Variants in ZNF846 observed in about 807,000 individuals in gnomAD.
ZNF846 encodes zinc finger protein 846.
A neutral mutation model predicts 16.0 loss-of-function variants in ZNF846; 15 were observed. That is an observed-to-expected ratio of 0.94 (90% CI 0.63 to 1.45). ZNF846 has a LOEUF of 1.45. Ranked by LOEUF, ZNF846 falls within the 40% of genes most tolerant of loss-of-function variation. The pLI is 0.00. For missense variants in ZNF846, 714 were observed against 622.3 expected (o/e 1.15, Z -1.57); for synonymous variants, 229 against 212.0 (o/e 1.08, Z -0.70).
chr19:9,771,515 A>G (rs1330605229), upstream of ZNF846, among the ~76,000 whole-genome samples: 1 of 152,088 alleles, frequency 6.6e-6, no homozygotes, highest in Non-Finnish European at 1.5e-5. Flanking sequence ...TTGCATCCTC[A>G]TAGCTTAGTT....
downstream of ZNF846, chr19:9,757,405 A>G (rs559268526): frequency 3.0e-5 from 39 of 1,290,134 alleles, no homozygotes; most frequent in Admixed American, 8.6e-4. Flanking sequence ...AAGGTTGTTC[A>G]TATTCTTTAC....
intron 1 of ZNF846, among the ~76,000 whole-genome samples, chr19:9,781,070 C>T (rs151267609): frequency 0.012 from 1,798 of 152,276 alleles, 36 homozygotes; most frequent in African/African-American, 0.041. Context: ...TTGATATAGT[C>T]CTACACATCT....
downstream of ZNF846, chr19:9,756,345 G>GTGTGTATATATGTATATA (rs1321690890): frequency 1.2e-5 from 1 of 81,776 alleles, no homozygotes; most frequent in South Asian, 4.6e-4. Context: ...GTGTGTGTGT[G>GTGTGTATATATGTATATA]TATATATATA....
chr19:9,755,894 G>A (rs1267207274), downstream of ZNF846, among the ~76,000 whole-genome samples: 4 of 135,380 alleles, frequency 3.0e-5, no homozygotes, highest in African/African-American at 1.1e-4. Context: ...AGGCTGGAGT[G>A]TAGTGGCAAA....
intron 2 of ZNF846, 76 bp downstream of exon 2, chr19:9,764,860 T>C: frequency 6.5e-7 from 1 of 1,534,814 alleles, no homozygotes; most frequent in South Asian, 1.1e-5. Flanking sequence ...GATGCTTGAA[T>C]ACACGATAAC....
downstream of ZNF846, chr19:9,757,452 A>C (rs2045148782): frequency 6.6e-7 from 1 of 1,525,934 alleles, no homozygotes; most frequent in African/African-American, 1.4e-5. Context: ...TTTAGATGTA[A>C]ATACTAAGAT....
rs147890318 is a variant in ZNF846 at position 9,758,816 on chromosome 19, C to T, written c.313-52G>A. The T allele has an allele frequency of 5.1e-5, 70 of 1,372,872 alleles. No homozygotes were observed. The East Asian group carries it at 1.6e-3, about 31-fold the overall frequency. The allele number at this position is 1,372,872 out of a possible 1,614,324, so 85.0% of individuals were successfully genotyped here. A position where few individuals can be genotyped will look rare whatever the true frequency, so the allele number is the denominator to read the frequency against. On this transcript the variant is annotated intron_variant, in intron 5 of 5. Transcript: ENST00000397902. The stretch of plus-strand genomic sequence containing the variant: ...GAATTTCTCACATTCAGTATGGTAA[C>T]AGAATTTCTCCCCAATCACAACATA...
At chr19:9,761,253 C>G (rs1280663501) in intron 4 of ZNF846, among the ~76,000 whole-genome samples, 2 of 151,710 alleles carry the variant, frequency 1.3e-5, no homozygotes, top group African/African-American at 2.4e-5. Context: ...GAGCTGATAG[C>G]TACACAACAC....
exon 6 of ZNF846, chr19:9,757,731 G>A (rs953580604): frequency 1.2e-6 from 2 of 1,613,248 alleles, no homozygotes; most frequent in Non-Finnish European, 8.5e-7. Flanking sequence ...ACATTCACAG[G>A]CCTTTTCTCC....
At chr19:9,765,009 G>A in exon 2 of ZNF846, 1 of 1,590,350 alleles carries the variant, frequency 6.3e-7, no homozygotes, top group Non-Finnish European at 8.6e-7. Context: ...CTGTCATGAA[G>A]ACAGAAAGTG....
At chr19:9,757,444 T>C, downstream of ZNF846, 1 of 1,510,538 alleles carries the variant, frequency 6.6e-7, no homozygotes, top group Non-Finnish European at 8.9e-7. Context: ...CAGATGAGTT[T>C]AGATGTAAAT....
chr19:9,769,429 CTT>C (rs2045369539), upstream of ZNF846, among the ~76,000 whole-genome samples: 1 of 152,010 alleles, frequency 6.6e-6, no homozygotes, highest in Admixed American at 6.6e-5. Context: ...CAGGGTCTCT[CTT>C]TGTTACCCAG....
At chr19:9,771,681 T>C (rs1035198269), upstream of ZNF846, among the ~76,000 whole-genome samples, 1 of 152,178 alleles carries the variant, frequency 6.6e-6, no homozygotes, top group African/African-American at 2.4e-5. Flanking sequence ...ATTTTTGTTA[T>C]CCCCTTATTA....
At chr19:9,763,257 A>G (rs1354003532) in intron 3 of ZNF846, 25 bp downstream of exon 3, 1 of 1,536,592 alleles carries the variant, frequency 6.5e-7, no homozygotes, top group East Asian at 2.4e-5. Context: ...TAAAGGGGTC[A>G]GTGAAGAAAT....
intron 1 of ZNF846, among the ~76,000 whole-genome samples, chr19:9,784,167 G>A (rs184555006): frequency 4.5e-4 from 68 of 152,234 alleles, no homozygotes; most frequent in Non-Finnish European, 7.6e-4. Flanking sequence ...GAAGAAAAGT[G>A]GGCCCAGGAG....
At chr19:9,774,884 T>C in intron 1 of ZNF846, 2 of 1,609,990 alleles carry the variant, frequency 1.2e-6, no homozygotes, top group South Asian at 1.1e-5. Flanking sequence ...TGAAGAATAC[T>C]CTAAGGACCG....
intron 1 of ZNF846, chr19:9,775,000 C>G: frequency 6.4e-7 from 1 of 1,569,302 alleles, no homozygotes; most frequent in Non-Finnish European, 8.7e-7. Flanking sequence ...AAGCAGAGGC[C>G]CCATGCAGTG....
exon 6 of ZNF846, chr19:9,758,322 T>C: frequency 6.2e-7 from 1 of 1,613,642 alleles, no homozygotes; most frequent in Non-Finnish European, 8.5e-7. Context: ...GACATAGGGC[T>C]TCTCTCCACT....
exon 6 of ZNF846, chr19:9,758,008 C>A: frequency 6.2e-7 from 1 of 1,613,306 alleles, no homozygotes; most frequent in East Asian, 2.2e-5. Flanking sequence ...TGAATCCTTA[C>A]ATGTTTTGTA....
Sources: gnomAD v4.1 joint callset for allele counts (sites outside exome capture counted in the v4.1 genomes callset) on GRCh38, gnomAD v4.1.1 for gene constraint, MANE v1.5 for transcripts, NCBI Gene and HGNC (gene_info 2026-07-23, HGNC 2026-07-21) for gene names.